The following ITGB8 variants were observed in gnomAD, a reference collection of about 807,000 sequenced individuals.
The protein encoded by ITGB8 is integrin beta-8.
ITGB8 carries 30 observed loss-of-function variants against 89.5 expected under a neutral mutation model. The ratio of observed to expected loss-of-function variants is 0.34; its 90% CI spans 0.25 to 0.45. ITGB8 has a LOEUF of 0.45. Among genes scored for constraint, ITGB8 ranks in the 20% least tolerant of loss-of-function variants. ITGB8 has a pLI of 1.00. For missense variants in ITGB8, 836 were observed against 933.3 expected (o/e 0.90, Z 1.36); for synonymous variants, 335 against 320.4 (o/e 1.05, Z -0.49).
chr7:20,410,323 C>A lies in ITGB8; in HGVS notation c.*326C>A. 1 of 249,988 alleles carries A rather than the reference C, an allele frequency of 4.0e-6. No homozygotes were observed. The highest frequency in any genetic ancestry group is 2.3e-5 in the African/African-American group (1 of 43,284). The allele number at this position is 249,988 out of a possible 1,614,324, so 15.5% of individuals were successfully genotyped here. ...ACTTTACAGGTACCTGTTATCCCTACGCTTCCCAGAGAGAACAATGCTGTG... is the reference window on the plus strand; with the variant it reads ...ACTTTACAGGTACCTGTTATCCCTAAGCTTCCCAGAGAGAACAATGCTGTG... On this transcript the variant is annotated 3_prime_UTR_variant, in exon 14 of 14. Coordinates refer to ENST00000222573, the MANE Select transcript of ITGB8 (RefSeq NM_002214.3).
In ITGB8 at chr7:20,404,806, C is replaced by A; in HGVS notation, c.1866C>A (p.Arg622=). ...GCACCGATCCCAGGAGCATCGGCCG[C>A]TTCTGTGAACACTGCCCCACCTGTT... ...CECTDPRSIG[R]FCEHCPTCYT... Residue 622 remains arginine, a synonymous_variant, in exon 11 of 14, where the codon CGC becomes CGA. Coordinates refer to ENST00000222573, the MANE Select transcript of ITGB8 (RefSeq NM_002214.3). 6.2e-7 allele frequency: 1 copy of A among 1,614,192 alleles called. No individual in the cohort carries two copies. The highest frequency in any genetic ancestry group is 8.5e-7 in the Non-Finnish European group (1 of 1,180,044).
At chr7:20,350,800 G>A (rs560692023) in intron 1 of ITGB8, among the ~76,000 whole-genome samples, 129 of 152,292 alleles carry the variant, frequency 8.5e-4, no homozygotes, top group African/African-American at 3.0e-3. Context: ...CAGCAACTCC[G>A]AACACCACTT....
rs1336967468 is a variant in ITGB8 at position 20,411,738 on chromosome 7, C to T, written c.*1741C>T. 6.6e-6 allele frequency: 1 copy of T among 152,442 alleles called. No homozygotes were observed. Among genetic ancestry groups the T allele is most frequent in the Non-Finnish European group, 1.5e-5 (1 of 68,036 alleles). The allele number at this position is 152,442 out of a possible 1,614,324, so 9.4% of individuals were successfully genotyped here. On this transcript the variant is annotated 3_prime_UTR_variant, in exon 14 of 14. Coordinates refer to ENST00000222573, the MANE Select transcript of ITGB8 (RefSeq NM_002214.3). ...AACTGAATTGTCCATAATCAGCTTCCAGTCTTTCATGCTAATCAGCTTCTT... is the reference window on the plus strand; with the variant it reads ...AACTGAATTGTCCATAATCAGCTTCTAGTCTTTCATGCTAATCAGCTTCTT...
intron 3 of ITGB8, chr7:20,377,223 A>C (rs1003326160): frequency 6.6e-5 from 10 of 152,192 alleles, no homozygotes; most frequent in African/African-American, 9.7e-5. Context: ...GTACCTCTGA[A>C]AACAGCCATT....
chr7:20,391,396 AT>A lies in ITGB8; in HGVS notation c.961-5del. 6.7e-7 allele frequency: 1 copy of A among 1,482,914 alleles called. No individual in the cohort carries two copies. Among genetic ancestry groups the A allele is most frequent in the Non-Finnish European group, 9.3e-7 (1 of 1,076,376 alleles). The allele number at this position is 1,482,914 out of a possible 1,614,324, so 91.9% of individuals were successfully genotyped here. A position where few individuals can be genotyped will look rare whatever the true frequency, so the allele number is the denominator to read the frequency against. On this transcript the variant is annotated splice_polypyrimidine_tract_variant and splice_region_variant and intron_variant, in intron 6 of 13. Coordinates refer to ENST00000222573, the MANE Select transcript of ITGB8 (RefSeq NM_002214.3). ...CATTCCCTTATTTATTTTATTATTCATTACAGGAACACCCCTCACTAGGCCA... is the reference window on the plus strand; with the variant it reads ...CATTCCCTTATTTATTTTATTATTCATACAGGAACACCCCTCACTAGGCCA...
At chr7:20,376,939 C>T (rs1211584154) in intron 3 of ITGB8, among the ~76,000 whole-genome samples, 1 of 152,244 alleles carries the variant, frequency 6.6e-6, no homozygotes, top group Non-Finnish European at 1.5e-5. Context: ...GCAGCCCACA[C>T]TCTCACACCC....
At chr7:20,358,406 GCAT>G (rs1309794754) in intron 1 of ITGB8, among the ~76,000 whole-genome samples, 1 of 151,614 alleles carries the variant, frequency 6.6e-6, no homozygotes, top group Non-Finnish European at 1.5e-5. Context: ...AAAAATATTA[GCAT>G]CATTTTTTTC....
chr7:20,378,855 G>C (rs1339143255), intron 3 of ITGB8, among the ~76,000 whole-genome samples, 196 bp from the exon 4 acceptor site: 1 of 151,786 alleles, frequency 6.6e-6, no homozygotes, highest in Admixed American at 6.6e-5. Context: ...AAATTGGTAT[G>C]GTTTTCAAAT....
chr7:20,348,045 G>A (rs1784987739), intron 1 of ITGB8, among the ~76,000 whole-genome samples: 1 of 152,108 alleles, frequency 6.6e-6, no homozygotes, highest in Non-Finnish European at 1.5e-5. Context: ...AATGAGGAGA[G>A]GCATTTTTCT....
chr7:20,404,666 A>G lies in ITGB8; in HGVS notation c.1726A>G (p.Ser576Gly). ...ECEAGRCQCFSGWEGDRCQCP... is the reference protein window; with the variant it reads ...ECEAGRCQCFGGWEGDRCQCP... ...TGAAGCAGGCAGATGCCAATGCTTC[A>G]GTGGCTGGGAAGGTGATCGATGCCA... The change falls in exon 11 of 14, where the codon AGT becomes GGT. Residue 576 changes from serine to glycine, a missense_variant. Around this residue, in one of 5 missense-constraint regions of ITGB8, gnomAD observed 422 missense variants for 416.9 expected, o/e 1.01. Transcript: ENST00000222573. The G allele has an allele frequency of 6.2e-7, 1 of 1,614,074 alleles. No homozygotes were observed. The highest frequency in any genetic ancestry group is 8.5e-7 in the Non-Finnish European group (1 of 1,179,990).
intron 11 of ITGB8, among the ~76,000 whole-genome samples, chr7:20,405,181 G>A (rs1268152795): frequency 6.6e-6 from 1 of 152,018 alleles, no homozygotes; most frequent in Non-Finnish European, 1.5e-5. Context: ...GATATCAAAA[G>A]TGAGGATAGT....
At chr7:20,356,925 T>C (rs12154733) in intron 1 of ITGB8, among the ~76,000 whole-genome samples, 25,537 of 152,122 alleles carry the variant, frequency 0.17, 2,843 homozygotes, top group Non-Finnish European at 0.24. Flanking sequence ...GTCACTTCTA[T>C]CAGCTAAATA....
intron 1 of ITGB8, among the ~76,000 whole-genome samples, chr7:20,340,822 A>G (rs1784733743): frequency 6.6e-6 from 1 of 152,206 alleles, no homozygotes; most frequent in South Asian, 2.1e-4. Flanking sequence ...GCTGTAAAGG[A>G]TCATTAGAAT....
intron 1 of ITGB8, among the ~76,000 whole-genome samples, chr7:20,353,740 T>C (rs1473650866): frequency 1.3e-5 from 2 of 151,144 alleles, no homozygotes; most frequent in African/African-American, 4.9e-5. Flanking sequence ...GAGACCATCC[T>C]GGCTAACACG....
At chr7:20,386,248 T>TC (rs1211826865) in intron 6 of ITGB8, among the ~76,000 whole-genome samples, 1 of 150,896 alleles carries the variant, frequency 6.6e-6, no homozygotes, top group African/African-American at 2.4e-5. Flanking sequence ...AGAACATTTT[T>TC]TTTTTTTTGA....
At chr7:20,331,988 G>T (rs1469103866) in intron 1 of ITGB8, 55 bp downstream of exon 1, 2 of 1,582,940 alleles carry the variant, frequency 1.3e-6, no homozygotes, top group Non-Finnish European at 1.7e-6. Flanking sequence ...TCTTGGGCTG[G>T]CACGAAGAGC....
At chr7:20,364,651 C>A (rs1785625313) in intron 2 of ITGB8, 1 of 152,206 alleles carries the variant, frequency 6.6e-6, no homozygotes, top group Non-Finnish European at 1.5e-5. Flanking sequence ...AGATGTCATT[C>A]ATGAACTAGA....
intron 5 of ITGB8, chr7:20,381,104 G>T: frequency 3.4e-6 from 1 of 295,820 alleles, no homozygotes; most frequent in East Asian, 7.8e-5. Flanking sequence ...TTTCTCATGC[G>T]CCACACTCCA....
intron 3 of ITGB8, among the ~76,000 whole-genome samples, chr7:20,368,309 G>A (rs942054009): frequency 6.6e-6 from 1 of 152,178 alleles, no homozygotes; most frequent in Admixed American, 6.5e-5. Flanking sequence ...AAATTATTTA[G>A]TGTCGTAAAT....
Sources: allele counts gnomAD v4.1 joint callset (sites outside exome capture counted in the v4.1 genomes callset), GRCh38; gene constraint gnomAD v4.1.1; regional missense constraint gnomAD v4.1.1; transcripts MANE v1.5; gene names NCBI Gene and HGNC (gene_info 2026-07-23, HGNC 2026-07-21).